UNC5D: variants seen among roughly 807,000 people sequenced by gnomAD.
UNC5D encodes unc-5 netrin receptor D.
In UNC5D, 39 loss-of-function variants were observed where a neutral mutation model predicts 105.4. The observed-to-expected ratio is 0.37, with a 90% CI of 0.29 to 0.48. UNC5D has a LOEUF of 0.48. Ranked by LOEUF, UNC5D falls within the 20% of genes least tolerant of loss-of-function variation. The pLI is 0.98. For synonymous variants in UNC5D, 452 were observed against 450.4 expected (o/e 1.00, Z -0.04); for missense variants, 991 against 1,202.4 (o/e 0.82, Z 2.60).
chr8:35,710,964 A>T (rs1197901660), intron 8 of UNC5D, among the ~76,000 whole-genome samples: 4 of 93,680 alleles, frequency 4.3e-5, no homozygotes, highest in Admixed American at 2.9e-4. Context: ...TTTGAGACGG[A>T]GTCTCGCTCT....
chr8:35,754,564 T>C (rs1263540832), intron 13 of UNC5D, among the ~76,000 whole-genome samples: 2 of 152,140 alleles, frequency 1.3e-5, no homozygotes, highest in Admixed American at 6.5e-5. Flanking sequence ...CCGGAAGACC[T>C]TGCAAGAAGG....
rs1208247952 is a variant in UNC5D, at chr8:35,458,661, C to G, written c.104-90631C>G. On this transcript the variant is annotated intron_variant, in intron 1 of 16. Coordinates refer to ENST00000404895, the MANE Select transcript of UNC5D (RefSeq NM_080872.4). ...ATACTGGAAGTGGTTGGTACACATTCAGGGCCAGAGAGGTGCTCCGAGTGG... is the reference window on the plus strand; with the variant it reads ...ATACTGGAAGTGGTTGGTACACATTGAGGGCCAGAGAGGTGCTCCGAGTGG... Among the ~76,000 whole-genome samples the G allele has an allele frequency of 2.6e-5, 4 of 152,146 alleles. No homozygotes were observed. The South Asian group carries it at 6.2e-4, about 24-fold the overall frequency.
chr8:35,732,831 T>C (rs1023075536), intron 11 of UNC5D, among the ~76,000 whole-genome samples: 1 of 152,112 alleles, frequency 6.6e-6, no homozygotes, highest in African/African-American at 2.4e-5. Flanking sequence ...AATTTCGCAT[T>C]TTCCAAGGCA....
intron 1 of UNC5D, among the ~76,000 whole-genome samples, chr8:35,430,353 C>A (rs1313175728): frequency 1.3e-5 from 2 of 152,136 alleles, no homozygotes; most frequent in South Asian, 2.1e-4. Flanking sequence ...ACTCCACACC[C>A]TTTTCCCATG....
intron 7 of UNC5D, among the ~76,000 whole-genome samples, chr8:35,698,408 C>G (rs1177405210): frequency 6.6e-6 from 1 of 152,072 alleles, no homozygotes; most frequent in Non-Finnish European, 1.5e-5. Context: ...ACCATTATCT[C>G]TCCATGTCCT....
intron 1 of UNC5D, among the ~76,000 whole-genome samples, chr8:35,299,850 G>A (rs1038733543): frequency 9.2e-5 from 14 of 152,206 alleles, no homozygotes; most frequent in Non-Finnish European, 2.1e-4. Flanking sequence ...AAAATAGAGT[G>A]AGGAAAGTTA....
At chr8:35,620,133 C>A (rs1586267440) in intron 4 of UNC5D, among the ~76,000 whole-genome samples, 1 of 152,356 alleles carries the variant, frequency 6.6e-6, no homozygotes, top group South Asian at 2.1e-4. Context: ...CTGTATTCAA[C>A]ATGGACTTCC....
intron 4 of UNC5D, among the ~76,000 whole-genome samples, chr8:35,651,901 T>C (rs1043109366): frequency 6.6e-5 from 10 of 152,212 alleles, no homozygotes; most frequent in Admixed American, 3.3e-4. Context: ...GTCATTCTGC[T>C]ACTTAAGAAA....
chr8:35,680,049 A>T (rs1040190046), intron 4 of UNC5D, among the ~76,000 whole-genome samples: 11 of 152,126 alleles, frequency 7.2e-5, no homozygotes, highest in Admixed American at 1.3e-4. Flanking sequence ...ATAACCCATT[A>T]ATTCATTAAT....
At chr8:35,678,714 A>C (rs1438325576) in intron 4 of UNC5D, among the ~76,000 whole-genome samples, 3 of 152,146 alleles carry the variant, frequency 2.0e-5, no homozygotes, top group African/African-American at 7.2e-5. Flanking sequence ...TAATGTCTAC[A>C]CAATACTAAA....
chr8:35,343,592 G>T (rs1034138821), intron 1 of UNC5D, among the ~76,000 whole-genome samples: 3 of 151,946 alleles, frequency 2.0e-5, no homozygotes, highest in African/African-American at 7.2e-5. Flanking sequence ...TCCCCATTTG[G>T]CATTTTCTTT....
chr8:35,670,697 G>A (rs923872956), intron 4 of UNC5D, among the ~76,000 whole-genome samples: 1 of 152,172 alleles, frequency 6.6e-6, no homozygotes, highest in Admixed American at 6.5e-5. Context: ...AACACATACT[G>A]GGGCTTGTTG....
In UNC5D at chr8:35,426,384, TA is replaced by T. The variant is rs796904841; in HGVS notation, c.104-122900del. On this transcript the variant is annotated intron_variant, in intron 1 of 16. Transcript: ENST00000404895. ...TAGAGAATTAGGGAAAATAAAGATG[TA>T]AAAAAAACTTCTGTAAAAGTTTTCT... Among the ~76,000 whole-genome samples the T allele has an allele frequency of 2.5e-4, 38 of 152,096 alleles. 1 individual carries two copies. Among genetic ancestry groups the T allele is most frequent in the Middle Eastern group, 6.8e-3 (2 of 294 alleles).
At chr8:35,650,140 A>G (rs1171566391) in intron 4 of UNC5D, among the ~76,000 whole-genome samples, 1 of 152,182 alleles carries the variant, frequency 6.6e-6, no homozygotes, top group Admixed American at 6.5e-5. Context: ...AAAACAAAAA[A>G]CAAAAAACAA....
chr8:35,445,657 A>G (rs1807729564), intron 1 of UNC5D, among the ~76,000 whole-genome samples: 1 of 152,052 alleles, frequency 6.6e-6, no homozygotes. Context: ...CCTATCTATA[A>G]CCCAGTAGTC....
intron 1 of UNC5D, among the ~76,000 whole-genome samples, chr8:35,501,138 C>T (rs1288698063): frequency 6.6e-6 from 1 of 152,174 alleles, no homozygotes; most frequent in Non-Finnish European, 1.5e-5. Flanking sequence ...GAGAGTCAGC[C>T]ATGAAACTAC....
At chr8:35,311,292 G>A (rs1218974648) in intron 1 of UNC5D, among the ~76,000 whole-genome samples, 1 of 152,138 alleles carries the variant, frequency 6.6e-6, no homozygotes, top group Non-Finnish European at 1.5e-5. Context: ...CTTGGACACT[G>A]TGCCAAAAAG....
At chr8:35,620,746 T>TCCCTGAG (rs1384400662) in intron 4 of UNC5D, among the ~76,000 whole-genome samples, 1 of 152,198 alleles carries the variant, frequency 6.6e-6, no homozygotes, top group Non-Finnish European at 1.5e-5. Flanking sequence ...TATGCTCTTA[T>TCCCTGAG]TATTGGGCTT....
chr8:35,442,904 T>TCTCTCACA (rs1246705327), intron 1 of UNC5D, among the ~76,000 whole-genome samples: 1,790 of 141,278 alleles, frequency 0.013, 45 homozygotes, highest in African/African-American at 0.046. Context: ...TCTCTCTCTC[T>TCTCTCACA]CACACACACA....
Sources: allele counts gnomAD v4.1 joint callset (sites outside exome capture counted in the v4.1 genomes callset), GRCh38; gene constraint gnomAD v4.1.1; transcripts MANE v1.5; gene names NCBI Gene and HGNC (gene_info 2026-07-23, HGNC 2026-07-21).